PRAMEF19: variants seen among roughly 807,000 people sequenced by gnomAD.
PRAMEF19 encodes the protein PRAME family member 19, also known as PRAME family member-like.
Under a neutral mutation model 33.1 loss-of-function variants are expected in PRAMEF19, and 21 were observed. The ratio of observed to expected loss-of-function variants is 0.63; its 90% CI spans 0.45 to 0.91. PRAMEF19 has a LOEUF of 0.91. PRAMEF19 is among the 40% of genes least tolerant of loss of function. PRAMEF19 has a pLI of 0.00. For missense variants in PRAMEF19, 481 were observed against 585.2 expected (o/e 0.82, Z 1.84); for synonymous variants, 179 against 229.3 (o/e 0.78, Z 1.98).
chr1:13,369,571 A>G (rs2359295), exon 3 of PRAMEF19: 199 of 1,613,914 alleles, frequency 1.2e-4, no homozygotes, highest in African/African-American at 8.8e-4. Context: ...ACCAGGGCAG[A>G]CATTTCAAGT....
downstream of PRAMEF19, among the ~76,000 whole-genome samples, chr1:13,368,813 C>T (rs1357907985): frequency 2.0e-5 from 3 of 152,042 alleles, no homozygotes; most frequent in African/African-American, 7.2e-5. Context: ...TTCTCTGCTC[C>T]CTTTATAATA....
chr1:13,369,329 C>G (rs12131695), exon 3 of PRAMEF19: 64,993 of 1,575,296 alleles, frequency 0.041, 2,301 homozygotes, highest in East Asian at 0.24. Flanking sequence ...GTCCTTCAGA[C>G]CATCCATGGA....
rs1227625181 is a variant in PRAMEF19, at chr1:13,371,495, G to A, written c.287+119C>T. 452 of 1,412,594 alleles carry A rather than the reference G, an allele frequency of 3.2e-4. 1 individual carries two copies. In the African/African-American group the frequency reaches 5.5e-3, roughly 17 times the overall value. 87.5% of individuals were successfully genotyped at this position (1,412,594 alleles called of 1,614,324 possible). A position where few individuals can be genotyped will look rare whatever the true frequency, so the allele number is the denominator to read the frequency against. On this transcript the variant is annotated intron_variant, in intron 1 of 2. Transcript: ENST00000376101. ...GAGGAGCTGGGCAATAGCCAAGAACGTTCCCAGCTTTCTCACTGGCACCAT... is the reference window on the plus strand; with the variant it reads ...GAGGAGCTGGGCAATAGCCAAGAACATTCCCAGCTTTCTCACTGGCACCAT...
At chr1:13,369,596 G>A (rs2101625) in exon 3 of PRAMEF19, 28 of 1,613,714 alleles carry the variant, frequency 1.7e-5, no homozygotes, top group Admixed American at 3.3e-5. Flanking sequence ...TTCATCTAGG[G>A]AGCCATAAGT....
At chr1:13,369,117 G>A in exon 3 of PRAMEF19, 3 of 1,612,012 alleles carry the variant, frequency 1.9e-6, no homozygotes, top group South Asian at 1.1e-5. Flanking sequence ...TGCTCAGTGG[G>A]TGACATGCCA....
At chr1:13,370,023 A>C (rs1257479744) in intron 2 of PRAMEF19, among the ~76,000 whole-genome samples, 1 of 152,212 alleles carries the variant, frequency 6.6e-6, no homozygotes, top group African/African-American at 2.4e-5. Context: ...TGACATGGCC[A>C]CATCTGCAAA....
At chr1:13,369,005 T>C (rs1307872265), downstream of PRAMEF19, 7 of 1,595,734 alleles carry the variant, frequency 4.4e-6, no homozygotes, top group African/African-American at 9.4e-5. Flanking sequence ...ATAAAAGATA[T>C]CTATGTCCTA....
chr1:13,371,252 T>C, intron 1 of PRAMEF19, 25 bp from the exon 2 acceptor site: 1 of 1,611,932 alleles, frequency 6.2e-7, no homozygotes, highest in Non-Finnish European at 8.5e-7. Context: ...GGGGAAAAGC[T>C]CAGAACGTAG....
Position 13,371,639 on chromosome 1 carries a change from G to T in PRAMEF19, c.262C>A (p.Leu88Met). 3 of 1,610,778 alleles carry T rather than the reference G, an allele frequency of 1.9e-6. No homozygotes were observed. In the South Asian group the frequency reaches 3.3e-5, roughly 18 times the overall value. ...CTGGGGCGAACCTTTTGGGCAAGCA[G>T]GCAATCAATCCCATCCACTACATAA... Residue 88 changes from leucine (L) to methionine (M), a missense_variant, in exon 1 of 3, where the codon CTG (leucine) becomes ATG (methionine). Physicochemically the swap from Leu to Met is conservative, Grantham distance 15. This residue lies in a region of PRAMEF19 where 77 missense variants were observed against 116.4 expected (regional missense o/e 0.66). Transcript: ENST00000376101.
chr1:13,370,239 T>A (rs1193025896), intron 2 of PRAMEF19, among the ~76,000 whole-genome samples: 1 of 152,406 alleles, frequency 6.6e-6, no homozygotes, highest in East Asian at 1.9e-4. Context: ...TTCTCTTCTT[T>A]TACACCCTCC....
downstream of PRAMEF19, chr1:13,369,064 C>T: frequency 6.2e-7 from 1 of 1,611,970 alleles, no homozygotes; most frequent in Non-Finnish European, 8.5e-7. Context: ...TACCTCCACC[C>T]CACTAGGCAG....
chr1:13,368,889 GC>G (rs1235301044), downstream of PRAMEF19, among the ~76,000 whole-genome samples: 1 of 152,142 alleles, frequency 6.6e-6, no homozygotes, highest in African/African-American at 2.4e-5. Flanking sequence ...CAAGCAGGGG[GC>G]TCCCTTAAGC....
At chr1:13,371,901 C>T, upstream of PRAMEF19, 7 of 1,612,022 alleles carry the variant, frequency 4.3e-6, no homozygotes, top group Non-Finnish European at 5.9e-6. Flanking sequence ...GGAAGCTCAT[C>T]CTGATAAATC....
At chr1:13,369,536 T>C in exon 3 of PRAMEF19, 4 of 1,613,952 alleles carry the variant, frequency 2.5e-6, no homozygotes, top group Middle Eastern at 1.7e-4. Flanking sequence ...CAGATTCAGC[T>C]GCTTCAGTTG....
At position 13,369,402 on chromosome 1, in the gene PRAMEF19, T is replaced by C. The variant is rs1470449648; in HGVS notation, c.1105A>G (p.Ile369Val). 1.7e-5 allele frequency: 28 copies of C among 1,612,838 alleles called. No homozygotes were observed. In the East Asian group the frequency reaches 5.6e-4, roughly 32 times the overall value. Residue 369 changes from isoleucine (I) to valine (V), a missense_variant, in exon 3 of 3, where the codon ATC (isoleucine) becomes GTC (valine). Ile to Val is a conservative substitution (Grantham distance 29, BLOSUM62 3). Coordinates refer to ENST00000376101, the Ensembl canonical transcript of PRAMEF19. ...GAGCAGCGGCTCAGGGCAGGCAGGA[T>C]GACCCTGAGTTTGGAGTCCCCAATC...
chr1:13,370,365 C>T (rs1640655435), intron 2 of PRAMEF19, among the ~76,000 whole-genome samples: 1 of 152,242 alleles, frequency 6.6e-6, no homozygotes, highest in East Asian at 1.9e-4. Flanking sequence ...ACAAGGAATT[C>T]CTAAAAGGAA....
In PRAMEF19 at chr1:13,369,602, T is replaced by A; in HGVS notation, c.905A>T (p.Tyr302Phe). The A allele has an allele frequency of 1.2e-6, 2 of 1,613,914 alleles. No homozygotes were observed. The highest frequency in any genetic ancestry group is 1.1e-5 in the South Asian group (1 of 91,058). ...CAAGTCCTCTTCATCTAGGGAGCCA[T>A]AAGTTAATGCCAATGTCTCCAACGG... The change falls in exon 3 of 3, where the codon TAT becomes TTT. Residue 302 changes from tyrosine (Y) to phenylalanine (F), a missense_variant. Around this residue, in one of 3 missense-constraint regions of PRAMEF19, gnomAD observed 392 missense variants for 397.5 expected, o/e 0.99. Coordinates refer to ENST00000376101, the Ensembl canonical transcript of PRAMEF19.
chr1:13,369,160 C>A (rs1569832477), exon 3 of PRAMEF19: 4 of 1,611,838 alleles, frequency 2.5e-6, no homozygotes, highest in Middle Eastern at 2.2e-4. Context: ...CAAAGAAGAT[C>A]CTGTTGGGCT....
chr1:13,371,898 C>G (rs1640677214), exon 1 of PRAMEF19: 1 of 1,612,038 alleles, frequency 6.2e-7, no homozygotes, highest in Non-Finnish European at 8.5e-7. Context: ...CCTGGAAGCT[C>G]ATCCTGATAA....
Sources: allele counts gnomAD v4.1 joint callset (sites outside exome capture counted in the v4.1 genomes callset), GRCh38; gene constraint gnomAD v4.1.1; regional missense constraint gnomAD v4.1.1; transcripts MANE v1.5; gene names NCBI Gene and HGNC (gene_info 2026-07-23, HGNC 2026-07-21).